DGKD: variants seen among roughly 807,000 people sequenced by gnomAD.
DGKD encodes the protein diacylglycerol kinase delta, also known as DAG kinase delta.
Under a neutral mutation model 154.4 loss-of-function variants are expected in DGKD, and 68 were observed. That is an observed-to-expected ratio of 0.44 (90% CI 0.36 to 0.54). The LOEUF (loss-of-function observed/expected upper bound fraction) is 0.54. DGKD is among the 20% of genes least tolerant of loss of function. DGKD has a pLI of 0.00. For synonymous variants in DGKD, 693 were observed against 638.0 expected (o/e 1.09, Z -1.30); for missense variants, 1,343 against 1,593.6 (o/e 0.84, Z 2.68).
chr2:233,459,369 A>T lies in DGKD; in HGVS notation c.2695-388A>T, dbSNP rs1330741674. 6.6e-6 allele frequency among the ~76,000 whole-genome samples: 1 copy of T among 152,134 alleles called. No homozygotes were observed. The highest frequency in any genetic ancestry group is 2.4e-5 in the African/African-American group (1 of 41,438). The stretch of plus-strand genomic sequence containing the variant: ...GTTGAAAAGGAGGAACGGGATGATG[A>T]TGGATGGCTCATCGTCATCCACTGT... On this transcript the variant is annotated intron_variant, in intron 22 of 29. Transcript: ENST00000264057. This position sits in a 1 kb window ranked among gnomAD's most constrained non-coding sequence, Gnocchi z 5.7.
intron 23 of DGKD, 62 bp from the exon 24 acceptor site, chr2:233,460,131 TG>T: frequency 6.3e-7 from 1 of 1,584,942 alleles, no homozygotes; most frequent in Non-Finnish European, 8.6e-7. Context: ...ATCCCCATAG[TG>T]TCTGTCGCAG....
chr2:233,389,833 G>T (rs1703473364), intron 2 of DGKD, among the ~76,000 whole-genome samples: 1 of 152,184 alleles, frequency 6.6e-6, no homozygotes, highest in Non-Finnish European at 1.5e-5. Context: ...CTGCCCTGGA[G>T]CATCTTTCTC....
intron 18 of DGKD, chr2:233,454,499 T>C (rs540357522): frequency 1.6e-4 from 82 of 500,740 alleles, no homozygotes; most frequent in Non-Finnish European, 2.9e-4. Flanking sequence ...ATGGCAGGAG[T>C]ACAGGCTTTC....
intron 3 of DGKD, among the ~76,000 whole-genome samples, chr2:233,411,247 ACTT>A (rs1339940382): frequency 1.3e-5 from 2 of 152,164 alleles, no homozygotes; most frequent in African/African-American, 2.4e-5. Context: ...TATATGTTTA[ACTT>A]CTTAAGAGGC....
chr2:233,460,062 C>T, intron 23 of DGKD, 132 bp from the exon 24 acceptor site: 9 of 1,466,044 alleles, frequency 6.1e-6, no homozygotes, highest in East Asian at 4.8e-5. Flanking sequence ...TCTCCTTCCC[C>T]TAATGTTAAA....
chr2:233,378,881 G>GCAAAA (rs756982349), intron 1 of DGKD, among the ~76,000 whole-genome samples: 2 of 152,156 alleles, frequency 1.3e-5, no homozygotes, highest in Non-Finnish European at 2.9e-5. Context: ...ACAAAGCAAA[G>GCAAAA]CAAAACAAAA....
intron 9 of DGKD, among the ~76,000 whole-genome samples, chr2:233,439,168 A>G (rs2062809264): frequency 6.6e-6 from 1 of 152,224 alleles, no homozygotes. Context: ...GAGCTCTAAG[A>G]GGACTTGCTG....
intron 3 of DGKD, among the ~76,000 whole-genome samples, chr2:233,393,657 T>G (rs373570536): frequency 1.8e-4 from 27 of 151,550 alleles, no homozygotes; most frequent in African/African-American, 6.1e-4. Flanking sequence ...TGTTTTCTAA[T>G]TCAGTGTCTG....
At chr2:233,450,349 C>T (rs746617088) in intron 16 of DGKD, among the ~76,000 whole-genome samples, 1 of 152,068 alleles carries the variant, frequency 6.6e-6, no homozygotes, top group African/African-American at 2.4e-5. Context: ...CAGTAGAACC[C>T]GCGAGACCCC....
intron 10 of DGKD, among the ~76,000 whole-genome samples, chr2:233,444,072 G>A (rs545943992): frequency 5.3e-5 from 8 of 152,152 alleles, no homozygotes; most frequent in Admixed American, 2.0e-4. Flanking sequence ...TTCTGCTGTC[G>A]TCTCTCTCCT....
intron 3 of DGKD, among the ~76,000 whole-genome samples, chr2:233,397,729 G>T (rs1441021504): frequency 6.6e-6 from 1 of 152,146 alleles, no homozygotes; most frequent in Non-Finnish European, 1.5e-5. Flanking sequence ...TGGCTGTAGG[G>T]TGGAGGGTGA....
intron 3 of DGKD, among the ~76,000 whole-genome samples, chr2:233,396,539 G>A (rs551861070): frequency 1.3e-5 from 2 of 152,262 alleles, no homozygotes; most frequent in Admixed American, 6.5e-5. Context: ...CTTAGTTACA[G>A]GCTGAGACAA....
chr2:233,467,799 T>G (rs1330113629), intron 28 of DGKD, among the ~76,000 whole-genome samples: 2 of 152,222 alleles, frequency 1.3e-5, no homozygotes, highest in Admixed American at 1.3e-4. Context: ...GGGACTGGTG[T>G]TTGCCGCCAG....
In DGKD at chr2:233,435,811, C is replaced by A. The variant is rs771922379; in HGVS notation, c.587-7C>A. The A allele has an allele frequency of 6.2e-7, 1 of 1,610,540 alleles. No homozygotes were observed. The highest frequency in any genetic ancestry group is 1.1e-5 in the South Asian group (1 of 90,546). ...GCTTGTAGGCTCATGTGCCCCTTCT[C>A]TCACAGTGTGCAAATTTAAGGCCCA... On this transcript the variant is annotated splice_region_variant and splice_polypyrimidine_tract_variant and intron_variant, in intron 5 of 29. Coordinates refer to ENST00000264057, the MANE Select transcript of DGKD (RefSeq NM_152879.3).
At chr2:233,363,012 T>C (rs1033525884) in intron 1 of DGKD, among the ~76,000 whole-genome samples, 1 of 152,234 alleles carries the variant, frequency 6.6e-6, no homozygotes, top group Non-Finnish European at 1.5e-5. Flanking sequence ...TAATAGTTGA[T>C]GATGATAATA....
rs778637534 is a variant in DGKD at position 233,446,775 on chromosome 2, A to G, written c.1398A>G (p.Glu466=). 5.0e-6 allele frequency: 8 copies of G among 1,614,188 alleles called. No individual in the cohort carries two copies. The South Asian group carries it at 8.8e-5, about 18-fold the overall frequency. ...PRQASSSTVT[E]DFSEDSEVQQ... ...AGGCCTCCTCCTCTACCGTCACCGA[A>G]GACTTCAGCGAGGATTCCGAGGTAT... Residue 466 remains glutamate (E), a synonymous_variant, in exon 12 of 30, where the codon GAA becomes GAG. Coordinates refer to ENST00000264057, the MANE Select transcript of DGKD (RefSeq NM_152879.3).
At chr2:233,461,832 C>T (rs917999489) in intron 24 of DGKD, among the ~76,000 whole-genome samples, 2 of 152,242 alleles carry the variant, frequency 1.3e-5, no homozygotes, top group African/African-American at 4.8e-5. Context: ...CACATCTCAG[C>T]CTCCCTGGGA....
At chr2:233,448,224 C>G (rs2063149343) in intron 13 of DGKD, 43 bp downstream of exon 13, 4 of 1,613,856 alleles carry the variant, frequency 2.5e-6, no homozygotes, top group Non-Finnish European at 3.4e-6. Flanking sequence ...TGCCCTGGCC[C>G]CCAGCCTGGA....
rs117643877 is a variant in DGKD, at chr2:233,443,463, G to A, written c.1194+1468G>A. 2.4e-3 allele frequency among the ~76,000 whole-genome samples: 367 copies of A among 152,100 alleles called. 9 individuals are homozygous for A. The East Asian group carries it at 0.064, about 27-fold the overall frequency. Reference sequence around the variant, plus strand: ...TTTGTCAGTTCAACATCCTTTTTGGGGGGTGGTCTTTTCTTTCATGATTTT... The same window carrying A: ...TTTGTCAGTTCAACATCCTTTTTGGAGGGTGGTCTTTTCTTTCATGATTTT... On this transcript the variant is annotated intron_variant, in intron 10 of 29. Coordinates refer to ENST00000264057, the MANE Select transcript of DGKD (RefSeq NM_152879.3).
Sources: allele counts gnomAD v4.1 joint callset (sites outside exome capture counted in the v4.1 genomes callset), GRCh38; gene constraint gnomAD v4.1.1; non-coding constraint Gnocchi (gnomAD v3.1); transcripts MANE v1.5; gene names NCBI Gene and HGNC (gene_info 2026-07-23, HGNC 2026-07-21).